Variants in ADGRL4 observed in about 807,000 individuals in gnomAD.
ADGRL4 encodes adhesion G protein-coupled receptor L4.
Under a neutral mutation model 74.8 loss-of-function variants are expected in ADGRL4, and 90 were observed. The observed-to-expected ratio is 1.20, with a 90% CI of 1.02 to 1.43. ADGRL4 has a LOEUF of 1.43. ADGRL4 is among the 40% of genes most tolerant of loss of function. ADGRL4 has a pLI of 0.00. For synonymous variants in ADGRL4, 311 were observed against 279.2 expected (o/e 1.11, Z -1.14); for missense variants, 881 against 814.3 (o/e 1.08, Z -1.00).
intron 7 of ADGRL4, 84 bp downstream of exon 7, chr1:78,936,211 T>A: frequency 7.2e-7 from 1 of 1,381,160 alleles, no homozygotes; most frequent in South Asian, 1.3e-5. Flanking sequence ...ACATGTTACA[T>A]GTACATATGA....
intron 2 of ADGRL4, among the ~76,000 whole-genome samples, chr1:79,001,664 C>G (rs1650847212): frequency 6.6e-6 from 1 of 151,974 alleles, no homozygotes; most frequent in Admixed American, 6.6e-5. Context: ...ACTATTTAAT[C>G]CACTAGGATA....
rs1242321650 is a variant in ADGRL4 at position 78,944,512 on chromosome 1, C to CT, written c.325+1761dup. 5.3e-5 allele frequency among the ~76,000 whole-genome samples: 8 copies of CT among 152,218 alleles called. No individual in the cohort carries two copies. The South Asian group carries it at 1.4e-3, about 28-fold the overall frequency. ...GTTGTTATGCTATATTGCAATAAAA[C>CT]TTTTTTCTAGAAACACTAAAGGTAA... On this transcript the variant is annotated intron_variant, in intron 3 of 14. Coordinates refer to ENST00000370742, the MANE Select transcript of ADGRL4 (RefSeq NM_022159.4).
At chr1:78,916,075 T>A (rs1648866758) in intron 12 of ADGRL4, among the ~76,000 whole-genome samples, 1 of 151,858 alleles carries the variant, frequency 6.6e-6, no homozygotes. Flanking sequence ...CAGTGTTCAT[T>A]TAGACTTCTA....
In ADGRL4 at chr1:78,938,386, T is replaced by A. The variant is rs901826030; in HGVS notation, c.397-107A>T. The A allele has an allele frequency of 7.9e-6, 6 of 761,190 alleles. No homozygotes were observed. The African/African-American group carries it at 1.1e-4, about 14-fold the overall frequency. The allele number at this position is 761,190 out of a possible 1,614,324, so 47.2% of individuals were successfully genotyped here. A position where few individuals can be genotyped will look rare whatever the true frequency, so the allele number is the denominator to read the frequency against. On this transcript the variant is annotated intron_variant, in intron 4 of 14. Transcript: ENST00000370742. ...TACCCTGAGGTTGGTTTCCTTGGTC[T>A]ACACATAAATAATATCAAACTAATA...
At position 78,906,477 on chromosome 1, in the gene ADGRL4, G is replaced by C. The variant is rs925562273; in HGVS notation, c.1749+11157C>G. Among the ~76,000 whole-genome samples the C allele has an allele frequency of 3.3e-5, 5 of 151,860 alleles. No individual in the cohort carries two copies. In the South Asian group the frequency reaches 1.0e-3, roughly 31 times the overall value. On this transcript the variant is annotated intron_variant, in intron 12 of 14. Coordinates refer to ENST00000370742, the MANE Select transcript of ADGRL4 (RefSeq NM_022159.4). ...CGCACGGGAGTAAGTGAGCTACATG[G>C]GTTTATCTTTATCACTGGTTTTTAA...
chr1:78,972,279 T>G (rs1042506798), intron 2 of ADGRL4, among the ~76,000 whole-genome samples: 1 of 152,186 alleles, frequency 6.6e-6, no homozygotes, highest in African/African-American at 2.4e-5. Flanking sequence ...CTGGATTTTA[T>G]GTCAGTATGA....
intron 3 of ADGRL4, among the ~76,000 whole-genome samples, chr1:78,945,567 T>C (rs183838452): frequency 1.3e-5 from 2 of 152,324 alleles, no homozygotes; most frequent in South Asian, 2.1e-4. Flanking sequence ...TCTCAGGCTG[T>C]AATCCAGTTC....
At chr1:79,000,253 T>C (rs1304949314) in intron 2 of ADGRL4, among the ~76,000 whole-genome samples, 1 of 152,180 alleles carries the variant, frequency 6.6e-6, no homozygotes, top group Non-Finnish European at 1.5e-5. Context: ...TCCAAAATCA[T>C]ATGTTCATAT....
rs766284294 is a variant in ADGRL4 at position 78,889,774 on chromosome 1, T to C, written c.*1380A>G. ...CTGTAGCGGAATTACTTCATTTAGATAACATTTTATTTGTTAGAGCAAGAT... is the reference window on the plus strand; with the variant it reads ...CTGTAGCGGAATTACTTCATTTAGACAACATTTTATTTGTTAGAGCAAGAT... On this transcript the variant is annotated 3_prime_UTR_variant, in exon 15 of 15. Transcript: ENST00000370742. The C allele has an allele frequency of 6.7e-6, 3 of 450,342 alleles. No individual in the cohort carries two copies. Among genetic ancestry groups the C allele is most frequent in the South Asian group, 4.9e-5 (3 of 60,784 alleles). The allele number at this position is 450,342 out of a possible 1,614,324, so 27.9% of individuals were successfully genotyped here.
chr1:78,979,312 T>G (rs1650353522), intron 2 of ADGRL4, among the ~76,000 whole-genome samples: 1 of 152,014 alleles, frequency 6.6e-6, no homozygotes, highest in African/African-American at 2.4e-5. Context: ...TAGCTTGGTA[T>G]TGAAATCCCT....
At chr1:78,959,955 T>C (rs1407382126) in intron 2 of ADGRL4, among the ~76,000 whole-genome samples, 1 of 152,162 alleles carries the variant, frequency 6.6e-6, no homozygotes, top group African/African-American at 2.4e-5. Context: ...AGCCAAAGCC[T>C]AAATGCCCAA....
At chr1:78,930,163 T>C (rs559218014) in intron 7 of ADGRL4, among the ~76,000 whole-genome samples, 1 of 151,554 alleles carries the variant, frequency 6.6e-6, no homozygotes, top group Non-Finnish European at 1.5e-5. Context: ...CATATGTGTG[T>C]TGAGGTATAT....
intron 2 of ADGRL4, among the ~76,000 whole-genome samples, chr1:78,949,163 A>G (rs1649671925): frequency 6.6e-6 from 1 of 152,104 alleles, no homozygotes; most frequent in Admixed American, 6.6e-5. Context: ...AGAGAAAAAG[A>G]ACACATGAGG....
chr1:78,920,241 C>T lies in ADGRL4; in HGVS notation c.1403G>A (p.Cys468Tyr). ...AACAAGTTCAGCAAGAAATAGGCTA[C>T]AGCAAAGATTTTTGTGAATTGTTGT... is the stretch of plus-strand genomic sequence containing the variant. ...TRTTIHKNLCCSLFLAELVFL... is the reference protein window; with the variant it reads ...TRTTIHKNLCYSLFLAELVFL... The change falls in exon 10 of 15, where the codon TGT becomes TAT. Residue 468 changes from cysteine (C) to tyrosine (Y), a missense_variant. Cys to Tyr is a radical substitution (Grantham distance 194). Transcript: ENST00000370742. The T allele has an allele frequency of 3.1e-6, 5 of 1,612,002 alleles. No individual in the cohort carries two copies. Among genetic ancestry groups the T allele is most frequent in the Non-Finnish European group, 3.4e-6 (4 of 1,178,816 alleles).
At chr1:78,931,501 A>T (rs1470690351) in intron 7 of ADGRL4, among the ~76,000 whole-genome samples, 25 of 151,380 alleles carry the variant, frequency 1.7e-4, no homozygotes, top group Admixed American at 1.6e-3. Flanking sequence ...GACCAATGAC[A>T]CTATGAAGAA....
At chr1:78,973,659 T>C (rs1375334919) in intron 2 of ADGRL4, among the ~76,000 whole-genome samples, 1 of 149,490 alleles carries the variant, frequency 6.7e-6, no homozygotes, top group Non-Finnish European at 1.5e-5. Flanking sequence ...GATAATCATA[T>C]ATATATATAT....
intron 2 of ADGRL4, among the ~76,000 whole-genome samples, chr1:78,985,578 T>C (rs17102574): frequency 0.036 from 5,472 of 151,922 alleles, 125 homozygotes; most frequent in South Asian, 0.053. Context: ...TAATAACTAT[T>C]GCATAATCTC....
intron 2 of ADGRL4, among the ~76,000 whole-genome samples, chr1:78,953,901 C>A (rs997418439): frequency 5.3e-5 from 8 of 152,198 alleles, no homozygotes; most frequent in Non-Finnish European, 1.2e-4. Context: ...GTAATCCCTG[C>A]ACGTTGGGAG....
chr1:78,984,338 GATT>G (rs1325049961), intron 2 of ADGRL4, among the ~76,000 whole-genome samples: 2 of 151,720 alleles, frequency 1.3e-5, no homozygotes, highest in African/African-American at 4.8e-5. Flanking sequence ...TAAAAATATG[GATT>G]ATTTTGGATT....
Sources: gnomAD v4.1 joint callset for allele counts (sites outside exome capture counted in the v4.1 genomes callset) on GRCh38, gnomAD v4.1.1 for gene constraint, MANE v1.5 for transcripts, NCBI Gene and HGNC (gene_info 2026-07-23, HGNC 2026-07-21) for gene names.